Variants in RANBP2 observed in about 807,000 individuals in gnomAD.
RANBP2 encodes RAN binding protein 2.
RANBP2 carries 57 observed loss-of-function variants against 303.6 expected under a neutral mutation model. The ratio of observed to expected loss-of-function variants is 0.19; its 90% confidence interval spans 0.15 to 0.23. The LOEUF is 0.23. Ranked by LOEUF, RANBP2 falls within the 10% of genes least tolerant of loss-of-function variation. The probability of loss-of-function intolerance (pLI) is 1.00; values close to 1 mark genes in which losing one functional copy is unlikely to be tolerated. For synonymous variants in RANBP2, 1,167 were observed against 1,301.5 expected (o/e 0.90, Z 2.23); for missense variants, 3,138 against 3,780.8 (o/e 0.83, Z 4.46).
intron 23 of RANBP2, among the ~76,000 whole-genome samples, chr2:108,773,893 C>T (rs1558934587): frequency 1.3e-5 from 2 of 152,156 alleles, no homozygotes; most frequent in Non-Finnish European, 2.9e-5. Flanking sequence ...GTGATCCACC[C>T]ACCTTGGCCT....
At chr2:109,176,758 A>G in the RANBP2 span, among the ~76,000 whole-genome samples, 1 of 152,204 alleles carries the variant, frequency 6.6e-6, no homozygotes, top group Non-Finnish European at 1.5e-5. Context: ...GCATAGGGGC[A>G]TGGAAACAGG....
chr2:109,227,970 G>A, the RANBP2 span, among the ~76,000 whole-genome samples: 1 of 152,158 alleles, frequency 6.6e-6, no homozygotes, highest in South Asian at 2.1e-4. Context: ...TGGCTCAAGG[G>A]GCATGGGATT....
chr2:109,397,108 G>C, the RANBP2 span, among the ~76,000 whole-genome samples: 2 of 152,148 alleles, frequency 1.3e-5, no homozygotes, highest in African/African-American at 2.4e-5. Flanking sequence ...CAGAGACCCT[G>C]TAGGCCCCAA....
the RANBP2 span, among the ~76,000 whole-genome samples, chr2:108,963,613 G>A: frequency 6.6e-6 from 1 of 152,178 alleles, no homozygotes; most frequent in African/African-American, 2.4e-5. Flanking sequence ...AATTACAAGA[G>A]GGGTTTTAGA....
At chr2:108,758,235 T>G (rs1156759939) in intron 17 of RANBP2, among the ~76,000 whole-genome samples, 178 bp from the exon 18 acceptor site, 1 of 149,366 alleles carries the variant, frequency 6.7e-6, no homozygotes, top group Non-Finnish European at 1.5e-5. Flanking sequence ...AGGTGGAGGT[T>G]GCGGTGAGCC....
At chr2:109,386,693 T>G in the RANBP2 span, among the ~76,000 whole-genome samples, 1 of 152,158 alleles carries the variant, frequency 6.6e-6, no homozygotes, top group Non-Finnish European at 1.5e-5. Flanking sequence ...CCCTCAGGTG[T>G]CAGTCCAGGT....
chr2:109,432,954 C>G, the RANBP2 span, among the ~76,000 whole-genome samples: 2 of 152,250 alleles, frequency 1.3e-5, no homozygotes, highest in African/African-American at 2.4e-5. Context: ...AATGAGGTCT[C>G]AAGTGTGAAT....
At chr2:109,034,002 C>G in the RANBP2 span, among the ~76,000 whole-genome samples, 3 of 150,580 alleles carry the variant, frequency 2.0e-5, no homozygotes, top group African/African-American at 7.3e-5. Flanking sequence ...TTGGCTGACG[C>G]CTGTAATCCC....
chr2:108,745,723 T>C (rs1696453652), intron 7 of RANBP2, among the ~76,000 whole-genome samples: 1 of 152,008 alleles, frequency 6.6e-6, no homozygotes, highest in Non-Finnish European at 1.5e-5. Context: ...CATTTCCAAG[T>C]GTCATTTCAC....
the RANBP2 span, among the ~76,000 whole-genome samples, chr2:109,140,798 ATCTCC>A: frequency 6.6e-6 from 1 of 152,220 alleles, no homozygotes; most frequent in African/African-American, 2.4e-5. Context: ...TAAAGGTAAC[ATCTCC>A]TCTGTGTCCC....
chr2:109,718,706 G>A, the RANBP2 span, among the ~76,000 whole-genome samples: 4 of 152,062 alleles, frequency 2.6e-5, no homozygotes, highest in African/African-American at 7.2e-5. Flanking sequence ...ACGGCCAGGC[G>A]CAGTGGCTCA....
the RANBP2 span, chr2:109,129,688 TCGC>T: frequency 2.0e-6 from 3 of 1,525,738 alleles, no homozygotes; most frequent in Non-Finnish European, 2.6e-6. Context: ...GGACGAGTCG[TCGC>T]TGCTGGACCT....
the RANBP2 span, among the ~76,000 whole-genome samples, chr2:108,847,972 A>G: frequency 6.6e-6 from 1 of 152,112 alleles, no homozygotes; most frequent in African/African-American, 2.4e-5. Flanking sequence ...TTCGCCACAG[A>G]CCTATCTCCA....
chr2:109,607,317 G>C, the RANBP2 span, among the ~76,000 whole-genome samples: 513 of 152,222 alleles, frequency 3.4e-3, 3 homozygotes, highest in Middle Eastern at 0.017. Context: ...ATAATGTACA[G>C]AGTATTTAGT....
chr2:109,331,574 T>C, the RANBP2 span, among the ~76,000 whole-genome samples: 1 of 152,226 alleles, frequency 6.6e-6, no homozygotes, highest in Non-Finnish European at 1.5e-5. Flanking sequence ...ATATATTTTC[T>C]CTGGAGTACT....
the RANBP2 span, among the ~76,000 whole-genome samples, chr2:109,425,231 G>C: frequency 6.6e-6 from 1 of 152,212 alleles, no homozygotes. Context: ...AGCTAGCAGA[G>C]GTTGGTTCGT....
chr2:109,333,695 CAAATTCTGA>C, the RANBP2 span, among the ~76,000 whole-genome samples: 1 of 152,190 alleles, frequency 6.6e-6, no homozygotes, highest in South Asian at 2.1e-4. Flanking sequence ...GATAAGAGCA[CAAATTCTGA>C]AACCAAACTG....
At chr2:109,356,419 C>A in the RANBP2 span, among the ~76,000 whole-genome samples, 1 of 152,216 alleles carries the variant, frequency 6.6e-6, no homozygotes, top group African/African-American at 2.4e-5. Flanking sequence ...ATGGCAGGGT[C>A]CACTGCTCAT....
the RANBP2 span, among the ~76,000 whole-genome samples, chr2:109,559,861 C>T: frequency 6.6e-6 from 1 of 151,320 alleles, no homozygotes; most frequent in Non-Finnish European, 1.5e-5. Context: ...CTGTTGCAGG[C>T]CTTCCCTTCA....
Sources: gnomAD v4.1 joint callset for allele counts (sites outside exome capture counted in the v4.1 genomes callset) on GRCh38, gnomAD v4.1.1 for gene constraint, MANE v1.5 for transcripts, NCBI Gene and HGNC (gene_info 2026-07-23, HGNC 2026-07-21) for gene names.